The following KANSL1L variants were observed in gnomAD, a reference collection of about 807,000 sequenced individuals.
The protein encoded by KANSL1L is KAT8 regulatory NSL complex subunit 1-like protein.
A neutral mutation model predicts 108.6 loss-of-function variants in KANSL1L; 25 were observed. The observed-to-expected ratio is 0.23, with a 90% CI of 0.17 to 0.32. KANSL1L has a LOEUF of 0.32. Among genes scored for constraint, KANSL1L ranks in the 10% least tolerant of loss-of-function variants. The pLI is 1.00. For missense variants in KANSL1L, 1,137 were observed against 1,125.7 expected (o/e 1.01, Z -0.14); for synonymous variants, 405 against 395.1 (o/e 1.03, Z -0.30).
chr2:210,102,161 G>A (rs2094799874), intron 4 of KANSL1L, among the ~76,000 whole-genome samples: 1 of 152,086 alleles, frequency 6.6e-6, no homozygotes, highest in Admixed American at 6.6e-5. Flanking sequence ...TCTCTGTTTT[G>A]GTACCAGTAC....
intron 5 of KANSL1L, chr2:210,096,916 A>G (rs776860212): frequency 1.9e-5 from 6 of 316,254 alleles, no homozygotes; most frequent in Non-Finnish European, 2.3e-5. Context: ...AATAAAAATC[A>G]AATGTCAGCT....
At chr2:210,111,947 T>C (rs2094909954) in intron 3 of KANSL1L, among the ~76,000 whole-genome samples, 1 of 145,756 alleles carries the variant, frequency 6.9e-6, no homozygotes, top group Non-Finnish European at 1.5e-5. Context: ...TGTGTTCTCA[T>C]TGTTCAATTC....
chr2:210,030,246 T>C (rs1287645719), intron 9 of KANSL1L, among the ~76,000 whole-genome samples: 3 of 152,014 alleles, frequency 2.0e-5, no homozygotes, highest in Non-Finnish European at 4.4e-5. Context: ...AATTTTCTTA[T>C]CTAATCTCAT....
At chr2:210,027,856 A>G (rs1341966456) in intron 11 of KANSL1L, among the ~76,000 whole-genome samples, 2 of 152,212 alleles carry the variant, frequency 1.3e-5, no homozygotes, top group African/African-American at 4.8e-5. Flanking sequence ...TCATAGCCAC[A>G]AATGTTATTA....
intron 2 of KANSL1L, among the ~76,000 whole-genome samples, chr2:210,136,567 T>G (rs2125572644): frequency 6.6e-6 from 1 of 152,308 alleles, no homozygotes; most frequent in East Asian, 1.9e-4. Context: ...TGTGTGCATG[T>G]CTCACTTTTG....
chr2:210,150,613 T>G (rs887785970), intron 2 of KANSL1L, among the ~76,000 whole-genome samples: 1 of 151,674 alleles, frequency 6.6e-6, no homozygotes, highest in Non-Finnish European at 1.5e-5. Flanking sequence ...AGAAACCCTA[T>G]CTCTACTAAA....
At chr2:210,142,798 G>A (rs2095239831) in intron 2 of KANSL1L, among the ~76,000 whole-genome samples, 1 of 151,818 alleles carries the variant, frequency 6.6e-6, no homozygotes, top group South Asian at 2.1e-4. Flanking sequence ...AATTTCATAT[G>A]ATTTTGGCTG....
At chr2:210,140,849 T>C (rs1325762042) in intron 2 of KANSL1L, among the ~76,000 whole-genome samples, 4 of 152,276 alleles carry the variant, frequency 2.6e-5, no homozygotes, top group African/African-American at 9.6e-5. Flanking sequence ...GTACATATCT[T>C]TCACCACCAT....
At chr2:210,074,866 G>A (rs1316005884) in intron 6 of KANSL1L, among the ~76,000 whole-genome samples, 2 of 152,078 alleles carry the variant, frequency 1.3e-5, no homozygotes, top group African/African-American at 2.4e-5. Flanking sequence ...GAAATCTAAC[G>A]TTAATTGTCA....
intron 6 of KANSL1L, among the ~76,000 whole-genome samples, chr2:210,048,853 G>C (rs1182620821): frequency 2.0e-5 from 3 of 152,062 alleles, no homozygotes; most frequent in Non-Finnish European, 2.9e-5. Flanking sequence ...CAGCCATCTA[G>C]AACTACTGTT....
At chr2:210,126,681 G>A (rs1434119574) in intron 3 of KANSL1L, among the ~76,000 whole-genome samples, 1 of 152,128 alleles carries the variant, frequency 6.6e-6, no homozygotes, top group Non-Finnish European at 1.5e-5. Context: ...AGCTGGGCTT[G>A]GTGGCACATG....
intron 1 of KANSL1L, among the ~76,000 whole-genome samples, chr2:210,164,444 T>C (rs2095376435): frequency 6.6e-6 from 1 of 152,158 alleles, no homozygotes; most frequent in East Asian, 1.9e-4. Context: ...GGCAGGAGTA[T>C]TTGGATCCTT....
intron 2 of KANSL1L, among the ~76,000 whole-genome samples, chr2:210,150,137 A>C (rs1309817990): frequency 6.6e-6 from 1 of 152,104 alleles, no homozygotes. Flanking sequence ...CTGATATTAA[A>C]TTTCTTAGAT....
At chr2:210,170,316 T>C in intron 1 of KANSL1L, 66 of 976,780 alleles carry the variant, frequency 6.8e-5, no homozygotes, top group Non-Finnish European at 7.9e-5. Context: ...GTTTGGGGAA[T>C]CAAAAACGGA....
At chr2:210,042,246 A>G (rs1236103234) in intron 7 of KANSL1L, among the ~76,000 whole-genome samples, 2 of 152,250 alleles carry the variant, frequency 1.3e-5, no homozygotes, top group African/African-American at 2.4e-5. Context: ...TTAAACTAGA[A>G]TGCGAGTACC....
At chr2:210,031,113 C>A in intron 9 of KANSL1L, 1 of 216,482 alleles carries the variant, frequency 4.6e-6, no homozygotes, top group Non-Finnish European at 9.1e-6. Flanking sequence ...GGCAACTTTG[C>A]ACTAGCCTAT....
intron 4 of KANSL1L, among the ~76,000 whole-genome samples, chr2:210,099,617 T>C (rs1008847624): frequency 2.0e-5 from 3 of 152,184 alleles, no homozygotes; most frequent in African/African-American, 7.2e-5. Flanking sequence ...GTCATGCAAA[T>C]AAATTCTGAA....
At chr2:210,067,024 G>A (rs1341300378) in intron 6 of KANSL1L, among the ~76,000 whole-genome samples, 3 of 152,152 alleles carry the variant, frequency 2.0e-5, no homozygotes, top group Admixed American at 6.5e-5. Flanking sequence ...AAAACAAAAA[G>A]GCAGAGGAAG....
intron 6 of KANSL1L, among the ~76,000 whole-genome samples, chr2:210,049,988 T>C (rs1320227040): frequency 1.3e-5 from 2 of 152,162 alleles, no homozygotes; most frequent in East Asian, 3.9e-4. Flanking sequence ...TACCCAGACT[T>C]TGGCACAAAG....
Sources: gnomAD v4.1 joint callset for allele counts (sites outside exome capture counted in the v4.1 genomes callset) on GRCh38, gnomAD v4.1.1 for gene constraint, MANE v1.5 for transcripts, NCBI Gene and HGNC (gene_info 2026-07-23, HGNC 2026-07-21) for gene names.